CCDC7: variants seen among roughly 807,000 people sequenced by gnomAD.
The protein encoded by CCDC7 is coiled-coil domain containing 7, also known as coiled-coil domain-containing protein 7.
In CCDC7, 183 loss-of-function variants were observed where a neutral mutation model predicts 196.9. The ratio of observed to expected loss-of-function variants is 0.93; its 90% CI spans 0.82 to 1.05. CCDC7 has a LOEUF of 1.05. Among genes scored for constraint, CCDC7 ranks in the 50% least tolerant of loss-of-function variants. CCDC7 has a pLI of 0.00. For missense variants in CCDC7, 1,540 were observed against 1,482.2 expected, an observed-to-expected ratio of 1.04 and a Z score of -0.64; for synonymous variants, 525 against 484.6, an observed-to-expected ratio of 1.08 and a Z score of -1.10.
At chr10:32,677,712 A>G (rs774844878) in intron 21 of CCDC7, among the ~76,000 whole-genome samples, 4 of 151,922 alleles carry the variant, frequency 2.6e-5, no homozygotes, top group African/African-American at 7.3e-5. Context: ...CCTATTTAGG[A>G]TCCTTTGTGT....
chr10:32,870,013 G>C (rs1295518023), intron 41 of CCDC7, among the ~76,000 whole-genome samples: 1 of 151,908 alleles, frequency 6.6e-6, no homozygotes, highest in Admixed American at 6.6e-5. Flanking sequence ...TAGTATAGTT[G>C]GAAGTCAGGT....
chr10:32,447,398 C>A (rs2031615638), upstream of CCDC7, among the ~76,000 whole-genome samples: 1 of 152,174 alleles, frequency 6.6e-6, no homozygotes, highest in African/African-American at 2.4e-5. Flanking sequence ...ACTCTTCTTA[C>A]GTCCTGTTTC....
intron 33 of CCDC7, among the ~76,000 whole-genome samples, chr10:32,837,758 A>C (rs1402645722): frequency 6.6e-6 from 1 of 152,092 alleles, no homozygotes; most frequent in African/African-American, 2.4e-5. Flanking sequence ...AAAAATGATG[A>C]GCTAATGTCC....
At chr10:32,689,252 C>T in intron 23 of CCDC7, 89 bp downstream of exon 24, 1 of 802,944 alleles carries the variant, frequency 1.2e-6, no homozygotes, top group Middle Eastern at 3.8e-4. Context: ...AAGTTTTACA[C>T]TTTGACTAAA....
chr10:32,711,806 T>G, intron 25 of CCDC7, 76 bp downstream of exon 26: 1 of 723,450 alleles, frequency 1.4e-6, no homozygotes, highest in African/African-American at 1.9e-5. Flanking sequence ...GGTTCATACT[T>G]ACGTATTTGA....
In CCDC7 at chr10:32,597,847, G is replaced by A. The variant is rs185713745; in HGVS notation, c.1801+13543G>A. ...GCTGCAGAACAGCAAATGTTGCTGC[G>A]TAATCCTTCCTCTGGAAGCTTCGTC... On this transcript the variant is annotated intron_variant, in intron 18 of 41. Coordinates refer to ENST00000639629, the Ensembl canonical transcript of CCDC7. Among the ~76,000 whole-genome samples the A allele has an allele frequency of 3.5e-3, 531 of 152,038 alleles. 4 individuals are homozygous for A. The highest frequency in any genetic ancestry group is 4.4e-3 in the Non-Finnish European group (302 of 67,872).
chr10:32,593,396 T>A (rs2059979531), intron 18 of CCDC7, among the ~76,000 whole-genome samples: 1 of 152,214 alleles, frequency 6.6e-6, no homozygotes, highest in African/African-American at 2.4e-5. Flanking sequence ...GATGGGTTTG[T>A]TTGATTTTTT....
intron 25 of CCDC7, among the ~76,000 whole-genome samples, chr10:32,723,310 C>G (rs1392541228): frequency 1.3e-5 from 2 of 152,098 alleles, no homozygotes. Flanking sequence ...TTTTTCAATT[C>G]TGATACCGAT....
At chr10:32,450,994 T>G (rs897726013), upstream of CCDC7, among the ~76,000 whole-genome samples, 1 of 152,156 alleles carries the variant, frequency 6.6e-6, no homozygotes, top group Non-Finnish European at 1.5e-5. Context: ...TTTTCATTTT[T>G]TCAGAGTTGA....
intron 29 of CCDC7, among the ~76,000 whole-genome samples, chr10:32,790,788 A>C (rs1375273647): frequency 6.6e-6 from 1 of 152,082 alleles, no homozygotes; most frequent in Non-Finnish European, 1.5e-5. Flanking sequence ...CAGAGTCCTC[A>C]GTTTTGTGGA....
intron 23 of CCDC7, 73 bp downstream of exon 24, chr10:32,689,236 T>G (rs567101712): frequency 1.0e-6 from 1 of 1,004,334 alleles, no homozygotes; most frequent in Non-Finnish European, 1.5e-6. Flanking sequence ...TTGCTTTGAT[T>G]CACAAAAGTT....
chr10:32,714,786 C>A (rs77892344), intron 25 of CCDC7, among the ~76,000 whole-genome samples: 1 of 152,114 alleles, frequency 6.6e-6, no homozygotes, highest in African/African-American at 2.4e-5. Flanking sequence ...CTGGGAAGTT[C>A]GAATTCGGTG....
chr10:32,813,989 C>T (rs914823649), intron 30 of CCDC7, among the ~76,000 whole-genome samples: 4 of 151,986 alleles, frequency 2.6e-5, no homozygotes, highest in African/African-American at 9.7e-5. Context: ...GACAGAGTCT[C>T]GCTGTGTCAC....
intron 5 of CCDC7, among the ~76,000 whole-genome samples, chr10:32,469,961 T>A (rs2037611174): frequency 6.6e-6 from 1 of 152,158 alleles, no homozygotes; most frequent in Non-Finnish European, 1.5e-5. Context: ...AGTAAATTGA[T>A]GACATTATTT....
intron 4 of CCDC7, 68 bp from the exon 6 acceptor site, chr10:32,462,949 A>G (rs2036036330): frequency 1.9e-6 from 3 of 1,594,474 alleles, no homozygotes; most frequent in Non-Finnish European, 2.6e-6. Context: ...TTATATAGAT[A>G]TTTATTTCAT....
At chr10:32,480,720 G>C (rs1176184586) in intron 8 of CCDC7, among the ~76,000 whole-genome samples, 1 of 152,100 alleles carries the variant, frequency 6.6e-6, no homozygotes, top group Non-Finnish European at 1.5e-5. Context: ...GGAAATACTT[G>C]ATATGATTTT....
At chr10:32,777,882 A>G (rs1333057081) in intron 28 of CCDC7, among the ~76,000 whole-genome samples, 1 of 152,172 alleles carries the variant, frequency 6.6e-6, no homozygotes, top group African/African-American at 2.4e-5. Flanking sequence ...AATAATAGCC[A>G]TTCTGACTGG....
chr10:32,731,706 G>C (rs931248842), intron 28 of CCDC7, among the ~76,000 whole-genome samples: 2 of 152,148 alleles, frequency 1.3e-5, no homozygotes, highest in African/African-American at 4.8e-5. Context: ...AAATGTGTCA[G>C]AGGTTTTATT....
intron 31 of CCDC7, among the ~76,000 whole-genome samples, chr10:32,819,592 G>C (rs2135546723): frequency 6.6e-6 from 1 of 152,228 alleles, no homozygotes; most frequent in Middle Eastern, 3.4e-3. Context: ...ACTGAATCCA[G>C]CAGCACATCA....
Sources: gnomAD v4.1 joint callset for allele counts (sites outside exome capture counted in the v4.1 genomes callset) on GRCh38, gnomAD v4.1.1 for gene constraint, MANE v1.5 for transcripts, NCBI Gene and HGNC (gene_info 2026-07-23, HGNC 2026-07-21) for gene names.